The following SLC41A3 variants were observed in gnomAD, a reference collection of about 807,000 sequenced individuals.
SLC41A3 encodes solute carrier family 41 member 3.
A neutral mutation model predicts 45.4 loss-of-function variants in SLC41A3; 44 were observed. That is an observed-to-expected ratio of 0.97 (90% CI 0.76 to 1.25). The LOEUF is 1.25. Ranked by LOEUF, SLC41A3 falls within the 50% of genes most tolerant of loss-of-function variation. The pLI is 0.00. For missense variants in SLC41A3, 550 were observed against 600.6 expected, an observed-to-expected ratio of 0.92 and a Z score of 0.88; for synonymous variants, 256 against 252.4, an observed-to-expected ratio of 1.01 and a Z score of -0.13.
At chr3:126,079,549 A>G (rs1293820394) in intron 1 of SLC41A3, among the ~76,000 whole-genome samples, 2 of 152,218 alleles carry the variant, frequency 1.3e-5, no homozygotes, top group East Asian at 1.9e-4. Flanking sequence ...ACACAAAGGC[A>G]GCCTAGACAG....
intron 3 of SLC41A3, among the ~76,000 whole-genome samples, chr3:126,036,218 C>T (rs1163289934): frequency 5.3e-5 from 8 of 152,240 alleles, no homozygotes; most frequent in Admixed American, 5.2e-4. Context: ...GGGGCGCCAG[C>T]GCCAAGTATT....
At chr3:126,031,026 T>C (rs1941759935) in intron 4 of SLC41A3, among the ~76,000 whole-genome samples, 1 of 152,232 alleles carries the variant, frequency 6.6e-6, no homozygotes, top group African/African-American at 2.4e-5. Context: ...CTCGAAGTAA[T>C]TTTTATTCAA....
chr3:126,079,361 A>C (rs1235278938), intron 1 of SLC41A3, among the ~76,000 whole-genome samples: 1 of 152,190 alleles, frequency 6.6e-6, no homozygotes, highest in African/African-American at 2.4e-5. Context: ...ATCAAAGTTT[A>C]AATATTCTGT....
chr3:126,034,240 TAA>T (rs966079060), intron 3 of SLC41A3, among the ~76,000 whole-genome samples: 1 of 152,334 alleles, frequency 6.6e-6, no homozygotes, highest in African/African-American at 2.4e-5. Context: ...GGAACACATA[TAA>T]GTCTCTCTTC....
intron 3 of SLC41A3, among the ~76,000 whole-genome samples, chr3:126,037,901 G>A (rs1459742363): frequency 1.3e-5 from 2 of 152,064 alleles, no homozygotes; most frequent in Admixed American, 1.3e-4. Flanking sequence ...AGGAAAGAAT[G>A]GTTTTGGGGC....
chr3:126,080,237 T>A (rs1409652781), intron 1 of SLC41A3, among the ~76,000 whole-genome samples: 1 of 152,110 alleles, frequency 6.6e-6, no homozygotes, highest in East Asian at 1.9e-4. Flanking sequence ...GCTAAAAAGT[T>A]TCTGCACAGC....
chr3:126,050,906 C>A (rs370015001), intron 3 of SLC41A3, 37 bp downstream of exon 3: 1 of 1,591,216 alleles, frequency 6.3e-7, no homozygotes. Flanking sequence ...GCCTGCCTCA[C>A]GTTGTGGCCG....
chr3:126,034,419 G>A (rs1942037684), intron 3 of SLC41A3, among the ~76,000 whole-genome samples: 2 of 152,196 alleles, frequency 1.3e-5, no homozygotes, highest in Non-Finnish European at 2.9e-5. Context: ...TTAAGTTCCT[G>A]AACTCCAAGG....
chr3:126,085,495 C>T (rs971286950), upstream of SLC41A3: 1 of 152,210 alleles, frequency 6.6e-6, no homozygotes, highest in African/African-American at 2.4e-5. Context: ...TAGCTTCTCC[C>T]CCGATGGAAC....
At chr3:126,041,770 TGAATAGGCACCTCCAG>T (rs375011479) in intron 3 of SLC41A3, among the ~76,000 whole-genome samples, 2,040 of 152,268 alleles carry the variant, frequency 0.013, 30 homozygotes, top group African/African-American at 0.031. Flanking sequence ...AGCAAGATGG[TGAATAGGCACCTCCAG>T]GCCCTTGTTT....
At chr3:126,039,676 AG>A (rs1325875234) in intron 3 of SLC41A3, among the ~76,000 whole-genome samples, 1 of 152,248 alleles carries the variant, frequency 6.6e-6, no homozygotes, top group Non-Finnish European at 1.5e-5. Context: ...ATTAAGCTTT[AG>A]CTCCTCTAAG....
At chr3:126,015,688 C>G (rs1940209413) in intron 7 of SLC41A3, 115 bp from the exon 8 acceptor site, 1 of 978,114 alleles carries the variant, frequency 1.0e-6, no homozygotes, top group Non-Finnish European at 1.6e-6. Context: ...CTGTCACTCT[C>G]CTCTCCCCTA....
chr3:126,076,698 C>T (rs144585459), intron 1 of SLC41A3, among the ~76,000 whole-genome samples: 574 of 152,336 alleles, frequency 3.8e-3, no homozygotes, highest in Admixed American at 6.3e-3. Flanking sequence ...CCTCCCCACC[C>T]GAGGTGATAC....
chr3:126,028,662 C>T (rs113658321), intron 4 of SLC41A3, among the ~76,000 whole-genome samples: 8,655 of 152,296 alleles, frequency 0.057, 667 homozygotes, highest in African/African-American at 0.18. Context: ...CCCCATCCTC[C>T]AGACCCCAGA....
In SLC41A3 at chr3:126,068,297, G is replaced by A. The variant is rs145289515; in HGVS notation, c.-27-51C>T. On this transcript the variant is annotated intron_variant, in intron 1 of 10. Transcript: ENST00000360370. ...GGGCCAAGTTCCTGATTCCCATGGC[G>A]CTAACACCCAAGGAGCCTCAGGCAC... 259 of 1,443,584 alleles carry A rather than the reference G, an allele frequency of 1.8e-4. No homozygotes were observed. In the East Asian group the frequency reaches 5.1e-3, roughly 28 times the overall value. 89.4% of individuals were successfully genotyped at this position (1,443,584 alleles called of 1,614,324 possible). A position where few individuals can be genotyped will look rare whatever the true frequency, so the allele number is the denominator to read the frequency against.
At chr3:126,095,697 A>G (rs932289391) in intron 1 of SLC41A3, among the ~76,000 whole-genome samples, 1 of 152,246 alleles carries the variant, frequency 6.6e-6, no homozygotes, top group Non-Finnish European at 1.5e-5. Flanking sequence ...ACCTGGCCAG[A>G]AAATGAACGT....
In SLC41A3 at chr3:126,026,945, C is replaced by T. The variant is rs149237247; in HGVS notation, c.454-466G>A. 1.3e-3 allele frequency among the ~76,000 whole-genome samples: 200 copies of T among 152,306 alleles called. 1 individual carries two copies. Among genetic ancestry groups the T allele is most frequent in the African/African-American group, 3.8e-3 (158 of 41,584 alleles). On this transcript the variant is annotated intron_variant, in intron 4 of 10. Coordinates refer to ENST00000360370, the MANE Select transcript of SLC41A3 (RefSeq NM_017836.4). The surrounding 1 kb of genome is among the most constrained non-coding windows in gnomAD (Gnocchi z 4.2). ...TCTCTCCTTTGGCACCCTGCTCACA[C>T]CCTCCCCTTCCAGGCTCTGTTCCCA...
chr3:126,044,961 A>G (rs374383756), intron 3 of SLC41A3, among the ~76,000 whole-genome samples: 11 of 151,452 alleles, frequency 7.3e-5, no homozygotes, highest in African/African-American at 2.4e-4. Context: ...AAGGGAGTAA[A>G]ACTAGAAATC....
At chr3:126,013,874 C>T (rs1243913251) in intron 8 of SLC41A3, among the ~76,000 whole-genome samples, 1 of 152,144 alleles carries the variant, frequency 6.6e-6, no homozygotes, top group East Asian at 1.9e-4. Context: ...GCATAGAACA[C>T]AGAACCCTAG....
Sources: allele counts gnomAD v4.1 joint callset (sites outside exome capture counted in the v4.1 genomes callset), GRCh38; gene constraint gnomAD v4.1.1; non-coding constraint Gnocchi (gnomAD v3.1); transcripts MANE v1.5; gene names NCBI Gene and HGNC (gene_info 2026-07-23, HGNC 2026-07-21).